MECOM: variants seen among roughly 807,000 people sequenced by gnomAD.
MECOM encodes the protein MDS1 and EVI1 complex locus.
MECOM carries 13 observed loss-of-function variants against 116.3 expected under a neutral mutation model. The observed-to-expected ratio is 0.11, with a 90% CI of 0.07 to 0.18. The LOEUF (loss-of-function observed/expected upper bound fraction) is 0.18, where lower values mean the gene tolerates loss of function less well. Among genes scored for constraint, MECOM ranks in the 10% least tolerant of loss-of-function variants. The pLI is 1.00. For synonymous variants in MECOM, 528 were observed against 535.2 expected (o/e 0.99, Z 0.19); for missense variants, 1,299 against 1,509.0 (o/e 0.86, Z 2.31).
At chr3:169,513,066 G>A (rs1756179243) in intron 1 of MECOM, among the ~76,000 whole-genome samples, 1 of 152,188 alleles carries the variant, frequency 6.6e-6, no homozygotes, top group African/African-American at 2.4e-5. Flanking sequence ...TCCAACTCCT[G>A]CCAAATGTGA....
chr3:169,166,372 G>T (rs1479333596), intron 2 of MECOM, among the ~76,000 whole-genome samples: 1 of 151,822 alleles, frequency 6.6e-6, no homozygotes, highest in Non-Finnish European at 1.5e-5. Flanking sequence ...CTCATTATCT[G>T]AATTGTCTAA....
chr3:169,246,997 C>T (rs1440553660), intron 2 of MECOM, among the ~76,000 whole-genome samples: 1 of 152,108 alleles, frequency 6.6e-6, no homozygotes, highest in Non-Finnish European at 1.5e-5. Context: ...TGGCAATAGC[C>T]TATTATTTAA....
chr3:169,415,694 A>C (rs1307576582), intron 1 of MECOM, among the ~76,000 whole-genome samples: 2 of 152,136 alleles, frequency 1.3e-5, no homozygotes, highest in Non-Finnish European at 2.9e-5. Context: ...ATATTTACCA[A>C]GCCAATGGAA....
chr3:169,502,844 G>A (rs1754695994), intron 1 of MECOM, among the ~76,000 whole-genome samples: 1 of 152,068 alleles, frequency 6.6e-6, no homozygotes, highest in African/African-American at 2.4e-5. Context: ...TTTTCAGATT[G>A]TTATAAAGAT....
chr3:169,545,835 T>G (rs969777218), intron 1 of MECOM, among the ~76,000 whole-genome samples: 1 of 152,194 alleles, frequency 6.6e-6, no homozygotes, highest in Non-Finnish European at 1.5e-5. Context: ...TTTGGTTTCC[T>G]GCCAAACCTC....
At chr3:169,152,748 C>T (rs944689372) in intron 2 of MECOM, among the ~76,000 whole-genome samples, 1 of 152,196 alleles carries the variant, frequency 6.6e-6, no homozygotes, top group African/African-American at 2.4e-5. Flanking sequence ...AAAGTTTCCC[C>T]AGTGAACCAT....
intron 2 of MECOM, among the ~76,000 whole-genome samples, chr3:169,220,170 A>C (rs1751951740): frequency 6.6e-6 from 1 of 152,058 alleles, no homozygotes. Context: ...CTCCAAAAAA[A>C]TACAAAAAAA....
chr3:169,461,749 A>T (rs1184587402), intron 1 of MECOM, among the ~76,000 whole-genome samples: 1 of 152,184 alleles, frequency 6.6e-6, no homozygotes, highest in Non-Finnish European at 1.5e-5. Flanking sequence ...CAGTAGCAAA[A>T]CACCTAGCTG....
At chr3:169,518,578 C>T (rs935921110) in intron 1 of MECOM, among the ~76,000 whole-genome samples, 2 of 152,138 alleles carry the variant, frequency 1.3e-5, no homozygotes, top group Non-Finnish European at 2.9e-5. Context: ...GTATATTTCA[C>T]TTTACCCCAG....
intron 2 of MECOM, among the ~76,000 whole-genome samples, chr3:169,256,719 A>G (rs1756910473): frequency 6.6e-6 from 1 of 152,230 alleles, no homozygotes; most frequent in African/African-American, 2.4e-5. Flanking sequence ...TCATCAGTAG[A>G]AAAAGGTTCA....
chr3:169,481,526 C>T lies in MECOM; in HGVS notation c.38-100002G>A, dbSNP rs192224596. 2.3e-4 allele frequency among the ~76,000 whole-genome samples: 35 copies of T among 152,038 alleles called. No individual in the cohort carries two copies. The Middle Eastern group carries it at 0.017, about 74-fold the overall frequency. The stretch of plus-strand genomic sequence containing the variant: ...CAAGATGGTGCCACTGCACTCCAGC[C>T]TGGGTGACAGAGCAAGACTCTATCT... On this transcript the variant is annotated intron_variant, in intron 1 of 16. Transcript: ENST00000651503.
intron 1 of MECOM, among the ~76,000 whole-genome samples, chr3:169,400,891 G>A (rs1431743560): frequency 1.3e-5 from 2 of 152,134 alleles, no homozygotes; most frequent in Non-Finnish European, 2.9e-5. Context: ...AAGCAAACAA[G>A]GCTCATTGCT....
At chr3:169,280,255 T>G (rs944206883) in intron 2 of MECOM, among the ~76,000 whole-genome samples, 2 of 152,222 alleles carry the variant, frequency 1.3e-5, no homozygotes, top group Admixed American at 6.5e-5. Context: ...CATGCATTCT[T>G]TAACCATAAT....
intron 2 of MECOM, among the ~76,000 whole-genome samples, chr3:169,232,750 A>C (rs543849072): frequency 5.9e-5 from 9 of 152,108 alleles, no homozygotes; most frequent in Non-Finnish European, 1.3e-4. Flanking sequence ...AATTCTTGAA[A>C]ATATTCTTTT....
chr3:169,541,488 T>G (rs568138312), intron 1 of MECOM, among the ~76,000 whole-genome samples: 2 of 152,236 alleles, frequency 1.3e-5, no homozygotes, highest in Non-Finnish European at 2.9e-5. Flanking sequence ...TTCACTAGCC[T>G]TGCTTGTTGC....
intron 2 of MECOM, among the ~76,000 whole-genome samples, chr3:169,341,403 C>G (rs6802743): frequency 6.1e-5 from 6 of 98,432 alleles, no homozygotes; most frequent in African/African-American, 6.8e-5. Context: ...GGGAGGTTGG[C>G]GGGGGAGGTG....
intron 2 of MECOM, among the ~76,000 whole-genome samples, chr3:169,349,082 C>G (rs1725855542): frequency 6.6e-6 from 1 of 151,154 alleles, no homozygotes; most frequent in Admixed American, 6.6e-5. Context: ...CCCCTTTCCC[C>G]CCTCCCCCAG....
intron 1 of MECOM, among the ~76,000 whole-genome samples, chr3:169,393,743 C>G (rs1031237241): frequency 6.6e-6 from 1 of 152,046 alleles, no homozygotes; most frequent in Non-Finnish European, 1.5e-5. Flanking sequence ...CTTGTTCTAA[C>G]AGACTATAGC....
intron 2 of MECOM, among the ~76,000 whole-genome samples, chr3:169,251,046 T>C (rs1756187790): frequency 6.6e-6 from 1 of 152,218 alleles, no homozygotes; most frequent in Non-Finnish European, 1.5e-5. Flanking sequence ...ATTTTCTTCA[T>C]CAAGTGTAAA....
Sources: gnomAD v4.1 joint callset for allele counts (sites outside exome capture counted in the v4.1 genomes callset) on GRCh38, gnomAD v4.1.1 for gene constraint, MANE v1.5 for transcripts, NCBI Gene and HGNC (gene_info 2026-07-23, HGNC 2026-07-21) for gene names.